PTPRE: variants seen among roughly 807,000 people sequenced by gnomAD.
The protein encoded by PTPRE is receptor-type tyrosine-protein phosphatase epsilon.
Under a neutral mutation model 102.0 loss-of-function variants are expected in PTPRE, and 51 were observed. That is an observed-to-expected ratio of 0.50 (90% CI 0.40 to 0.63). PTPRE has a LOEUF of 0.63. PTPRE is among the 30% of genes least tolerant of loss of function. PTPRE has a pLI of 0.00. For missense variants in PTPRE, 752 were observed against 915.1 expected (o/e 0.82, Z 2.30); for synonymous variants, 345 against 348.2 (o/e 0.99, Z 0.10).
chr10:127,991,486 C>A (rs1019975153), intron 2 of PTPRE, among the ~76,000 whole-genome samples: 1 of 152,190 alleles, frequency 6.6e-6, no homozygotes, highest in Admixed American at 6.5e-5. Flanking sequence ...GGGTGTTTAA[C>A]CTGACCTAGG....
intron 3 of PTPRE, among the ~76,000 whole-genome samples, chr10:128,045,239 G>T (rs1847994238): frequency 6.6e-6 from 1 of 152,242 alleles, no homozygotes; most frequent in Non-Finnish European, 1.5e-5. Flanking sequence ...GGGCTTGGGT[G>T]GTTCAGCCCC....
At chr10:127,977,404 G>A (rs1192321853) in intron 1 of PTPRE, among the ~76,000 whole-genome samples, 1 of 152,142 alleles carries the variant, frequency 6.6e-6, no homozygotes, top group Non-Finnish European at 1.5e-5. Context: ...AAATGTAAAT[G>A]CACTTCCAAA....
At chr10:128,003,325 T>C (rs1471696302) in intron 2 of PTPRE, among the ~76,000 whole-genome samples, 1 of 152,204 alleles carries the variant, frequency 6.6e-6, no homozygotes, top group Non-Finnish European at 1.5e-5. Context: ...GGTTGTCATT[T>C]TTTATTTCAC....
chr10:127,965,720 C>A (rs569443196), intron 1 of PTPRE, among the ~76,000 whole-genome samples: 2 of 152,104 alleles, frequency 1.3e-5, no homozygotes, highest in African/African-American at 4.8e-5. Context: ...CTTCTGGGTG[C>A]GGTGAGGGTC....
At chr10:127,969,443 A>G (rs1203107437) in intron 1 of PTPRE, among the ~76,000 whole-genome samples, 1 of 152,148 alleles carries the variant, frequency 6.6e-6, no homozygotes, top group African/African-American at 2.4e-5. Flanking sequence ...TGAGACTGGC[A>G]GATCACTTGA....
chr10:128,071,552 G>A (rs1850768591), intron 15 of PTPRE: 1 of 154,728 alleles, frequency 6.5e-6, no homozygotes, highest in African/African-American at 2.4e-5. Flanking sequence ...AGAGAAACTT[G>A]AGAAACCCGG....
At chr10:127,958,998 G>C (rs1424371773) in intron 1 of PTPRE, among the ~76,000 whole-genome samples, 1 of 150,328 alleles carries the variant, frequency 6.7e-6, no homozygotes, top group Non-Finnish European at 1.5e-5. Flanking sequence ...CTGGGTTCAA[G>C]CGATTCTCCC....
At chr10:127,980,732 AACAATAT>A (rs1851544252) in intron 1 of PTPRE, among the ~76,000 whole-genome samples, 1 of 152,198 alleles carries the variant, frequency 6.6e-6, no homozygotes, top group Non-Finnish European at 1.5e-5. Flanking sequence ...TTAAATGTAT[AACAATAT>A]ACATTTAAAC....
At chr10:127,954,412 T>A (rs1470334153) in intron 1 of PTPRE, among the ~76,000 whole-genome samples, 1 of 152,226 alleles carries the variant, frequency 6.6e-6, no homozygotes, top group Non-Finnish European at 1.5e-5. Context: ...CTTACTGGAA[T>A]AGACACTCTG....
chr10:128,067,766 C>T (rs915996747), intron 11 of PTPRE, among the ~76,000 whole-genome samples: 3 of 152,156 alleles, frequency 2.0e-5, no homozygotes, highest in Non-Finnish European at 4.4e-5. Flanking sequence ...GATTACTCAG[C>T]ACCACCGGCC....
intron 5 of PTPRE, 44 bp from the exon 6 acceptor site, chr10:128,049,486 A>AG (rs1363095593): frequency 6.2e-7 from 1 of 1,608,756 alleles, no homozygotes; most frequent in Admixed American, 1.7e-5. Flanking sequence ...TCGCCTATCC[A>AG]GGAATGTGGC....
chr10:128,042,332 G>A (rs115148955), intron 3 of PTPRE, among the ~76,000 whole-genome samples: 1 of 152,152 alleles, frequency 6.6e-6, no homozygotes, highest in African/African-American at 2.4e-5. Context: ...TGTGGGCACC[G>A]GCAGGATGAC....
intron 2 of PTPRE, among the ~76,000 whole-genome samples, chr10:128,021,508 G>A (rs72847347): frequency 0.16 from 24,564 of 152,212 alleles, 2,316 homozygotes; most frequent in Admixed American, 0.2. Flanking sequence ...TCGGGGCACC[G>A]CCATGCTCCC....
chr10:128,043,681 A>G (rs1234872335), intron 3 of PTPRE, among the ~76,000 whole-genome samples: 1 of 152,200 alleles, frequency 6.6e-6, no homozygotes, highest in Admixed American at 6.5e-5. Flanking sequence ...ACAAAGATAT[A>G]TATGTGTGTG....
intron 1 of PTPRE, among the ~76,000 whole-genome samples, chr10:127,945,039 G>A (rs1725083664): frequency 6.6e-6 from 1 of 152,168 alleles, no homozygotes; most frequent in Admixed American, 6.5e-5. Flanking sequence ...ACTGTCATGG[G>A]CCAGGAGTGC....
chr10:128,067,189 T>TACACCCACACACATTCAC (rs1564955602), intron 11 of PTPRE, among the ~76,000 whole-genome samples: 3 of 123,164 alleles, frequency 2.4e-5, no homozygotes, highest in African/African-American at 6.3e-5. Flanking sequence ...CATTCACACA[T>TACACCCACACACATTCAC]GTGCACACAC....
chr10:127,912,080 T>C (rs1845905893), intron 1 of PTPRE, among the ~76,000 whole-genome samples: 1 of 152,190 alleles, frequency 6.6e-6, no homozygotes. Context: ...AGCCTCCTTT[T>C]CTTCCCTGGG....
rs1420707048 is a variant in PTPRE at position 128,028,233 on chromosome 10, A to G, written c.-7-12642A>G. Reference sequence around the variant, plus strand: ...GGAGAAGTGAGGAGGCCTCCTTACCATCAATTAAATATGGGATCCGGATCA... The same window carrying G: ...GGAGAAGTGAGGAGGCCTCCTTACCGTCAATTAAATATGGGATCCGGATCA... On this transcript the variant is annotated intron_variant, in intron 2 of 20. Transcript: ENST00000254667. The surrounding 1 kb of genome is among the most constrained non-coding windows in gnomAD (Gnocchi z 4.5). 2.8e-4 allele frequency among the ~76,000 whole-genome samples: 43 copies of G among 152,156 alleles called. No homozygotes were observed. The highest frequency in any genetic ancestry group is 7.3e-5 in the Non-Finnish European group (5 of 68,038).
At chr10:127,943,016 T>C (rs951557954) in intron 1 of PTPRE, among the ~76,000 whole-genome samples, 25 of 152,182 alleles carry the variant, frequency 1.6e-4, no homozygotes, top group African/African-American at 6.0e-4. Flanking sequence ...GTGACTTTCT[T>C]ATCTCTTTGA....
Sources: gnomAD v4.1 joint callset for allele counts (sites outside exome capture counted in the v4.1 genomes callset) on GRCh38, gnomAD v4.1.1 for gene constraint, Gnocchi (gnomAD v3.1) non-coding constraint, MANE v1.5 for transcripts, NCBI Gene and HGNC (gene_info 2026-07-23, HGNC 2026-07-21) for gene names.